The following TRHDE variants were observed in gnomAD, a reference collection of about 807,000 sequenced individuals.
TRHDE encodes thyrotropin-releasing hormone-degrading ectoenzyme.
A neutral mutation model predicts 125.7 loss-of-function variants in TRHDE; 72 were observed. That is an observed-to-expected ratio of 0.57 (90% CI 0.47 to 0.70). The LOEUF is 0.70. Among genes scored for constraint, TRHDE ranks in the 30% least tolerant of loss-of-function variants. The pLI is 0.00. For missense variants in TRHDE, 1,110 were observed against 1,327.1 expected, an observed-to-expected ratio of 0.84 and a Z score of 2.54; for synonymous variants, 509 against 509.1, an observed-to-expected ratio of 1.00 and a Z score of 0.00.
intron 2 of TRHDE, among the ~76,000 whole-genome samples, chr12:72,301,160 G>A (rs1343395594): frequency 6.6e-6 from 1 of 152,134 alleles, no homozygotes; most frequent in Admixed American, 6.5e-5. Flanking sequence ...CTGATGAAAT[G>A]TAAATCTTTT....
intron 3 of TRHDE, among the ~76,000 whole-genome samples, chr12:72,452,544 A>T (rs920380366): frequency 1.3e-5 from 2 of 152,074 alleles, no homozygotes; most frequent in Non-Finnish European, 2.9e-5. Context: ...CTTTTAAATT[A>T]TTGCTGTTGA....
intron 12 of TRHDE, among the ~76,000 whole-genome samples, chr12:72,605,632 T>C (rs1872406863): frequency 6.6e-6 from 1 of 152,100 alleles, no homozygotes; most frequent in East Asian, 1.9e-4. Context: ...GGATTTTAAC[T>C]CTAATTTGGA....
intron 2 of TRHDE, among the ~76,000 whole-genome samples, chr12:72,224,892 C>T (rs1878093356): frequency 6.6e-6 from 1 of 152,064 alleles, no homozygotes; most frequent in South Asian, 2.1e-4. Context: ...CTTAACCTCC[C>T]CTCTCTTTAA....
chr12:72,620,676 G>T (rs1357410453), intron 13 of TRHDE, among the ~76,000 whole-genome samples: 1 of 152,104 alleles, frequency 6.6e-6, no homozygotes, highest in Non-Finnish European at 1.5e-5. Flanking sequence ...TAGGCCATTG[G>T]TTGGGCCAAC....
In TRHDE at chr12:72,121,720, C is replaced by CTT. The variant is rs57483232; in HGVS notation, n.279+15988_279+15989dup. 3.6e-3 allele frequency among the ~76,000 whole-genome samples: 399 copies of CTT among 111,926 alleles called. 3 individuals carry two copies. Among genetic ancestry groups the CTT allele is most frequent in the African/African-American group, 0.012 (353 of 29,424 alleles). 73.4% of individuals were successfully genotyped at this position (111,926 alleles called of 152,430 possible). ...TGCTTTTTGGTATTTACGAAGGTGC[C>CTT]TTTTTTTTTTTTTTTTTTTTTGATG... is the stretch of plus-strand genomic sequence containing the variant. On this transcript the variant is annotated intron_variant and non_coding_transcript_variant, in intron 2 of 4. Transcript: ENST00000548156.
chr12:72,238,321 T>TATATACAC (rs1878395323), intron 2 of TRHDE, among the ~76,000 whole-genome samples: 2 of 30,142 alleles, frequency 6.6e-5, no homozygotes, highest in Non-Finnish European at 1.4e-4. Context: ...TATATATATA[T>TATATACAC]ACATATATAT....
At chr12:72,637,748 C>T (rs1458592540) in intron 15 of TRHDE, among the ~76,000 whole-genome samples, 1 of 152,192 alleles carries the variant, frequency 6.6e-6, no homozygotes, top group African/African-American at 2.4e-5. Flanking sequence ...TTTCTGCCTT[C>T]ATTGTGTTAT....
In TRHDE at chr12:72,349,556, G is replaced by C. The variant is rs948541963; in HGVS notation, c.1189-28439G>C. 3.4e-5 allele frequency among the ~76,000 whole-genome samples: 5 copies of C among 147,556 alleles called. No individual in the cohort carries two copies. The East Asian group carries it at 5.9e-4, about 17-fold the overall frequency. The stretch of plus-strand genomic sequence containing the variant: ...TAGGTCCCTTTGCCTTTTTTTGGGC[G>C]GGGGGGTGGTGTGGCTTATAGACAA... On this transcript the variant is annotated intron_variant, in intron 2 of 18. Coordinates refer to ENST00000261180, the MANE Select transcript of TRHDE (RefSeq NM_013381.3).
intron 1 of TRHDE, among the ~76,000 whole-genome samples, chr12:72,096,398 G>A (rs189802787): frequency 2.6e-5 from 4 of 152,082 alleles, no homozygotes; most frequent in Non-Finnish European, 4.4e-5. Flanking sequence ...TGTCAAGTTT[G>A]GGCAATTAGA....
intron 18 of TRHDE, among the ~76,000 whole-genome samples, chr12:72,659,601 G>T (rs889134474): frequency 6.6e-6 from 1 of 152,080 alleles, no homozygotes; most frequent in Non-Finnish European, 1.5e-5. Context: ...TTTATCTTAT[G>T]ATGTTGATAT....
intron 5 of TRHDE, among the ~76,000 whole-genome samples, chr12:72,494,104 TTA>T (rs1167558124): frequency 1.3e-5 from 2 of 152,054 alleles, no homozygotes; most frequent in Non-Finnish European, 2.9e-5. Flanking sequence ...ACTAATTATC[TTA>T]TTTAATTTTT....
intron 2 of TRHDE, among the ~76,000 whole-genome samples, chr12:72,194,523 C>A (rs968841495): frequency 6.6e-6 from 1 of 151,996 alleles, no homozygotes; most frequent in Non-Finnish European, 1.5e-5. Flanking sequence ...AATAGTTTTT[C>A]AAATCTTTCC....
At chr12:72,284,825 T>C (rs1257412970) in intron 1 of TRHDE, among the ~76,000 whole-genome samples, 1 of 152,222 alleles carries the variant, frequency 6.6e-6, no homozygotes, top group East Asian at 1.9e-4. Flanking sequence ...TAACCTCATA[T>C]TCATATGAAG....
chr12:72,418,122 T>G (rs946301593), intron 3 of TRHDE, among the ~76,000 whole-genome samples: 2 of 152,088 alleles, frequency 1.3e-5, no homozygotes, highest in Admixed American at 6.6e-5. Context: ...TGTTGCTCAA[T>G]TTCTTTGAGG....
intron 2 of TRHDE, among the ~76,000 whole-genome samples, chr12:72,111,994 G>GA (rs929062930): frequency 5.3e-5 from 8 of 150,694 alleles, no homozygotes; most frequent in African/African-American, 1.7e-4. Context: ...GAGGTATAAA[G>GA]AAAAAAAATT....
chr12:72,538,330 A>G lies in TRHDE; in HGVS notation c.1723-3961A>G, dbSNP rs547037200. 1.2e-4 allele frequency among the ~76,000 whole-genome samples: 19 copies of G among 152,086 alleles called. No individual in the cohort carries two copies. In the South Asian group the frequency reaches 3.3e-3, roughly 27 times the overall value. On this transcript the variant is annotated intron_variant, in intron 6 of 18. Coordinates refer to ENST00000261180, the MANE Select transcript of TRHDE (RefSeq NM_013381.3). ...CACTAATTCTTAAAACATGTCTTCTATGACACTGCTTATACCCAGTTTGCC... is the reference window on the plus strand; with the variant it reads ...CACTAATTCTTAAAACATGTCTTCTGTGACACTGCTTATACCCAGTTTGCC...
At chr12:72,469,015 C>T (rs1396676055) in intron 3 of TRHDE, among the ~76,000 whole-genome samples, 2 of 152,086 alleles carry the variant, frequency 1.3e-5, no homozygotes, top group African/African-American at 4.8e-5. Flanking sequence ...TTAAAATAAG[C>T]ACAGATCTTA....
chr12:72,354,608 G>C (rs1592564479), intron 2 of TRHDE, among the ~76,000 whole-genome samples: 1 of 150,812 alleles, frequency 6.6e-6, no homozygotes, highest in African/African-American at 2.4e-5. Context: ...ACTAGTGCCT[G>C]ATGCCCTTTT....
At chr12:72,173,924 G>A (rs1876934238) in intron 2 of TRHDE, among the ~76,000 whole-genome samples, 1 of 152,096 alleles carries the variant, frequency 6.6e-6, no homozygotes, top group Non-Finnish European at 1.5e-5. Flanking sequence ...ATTGCAAAAT[G>A]GCTAAATATT....
Sources: allele counts gnomAD v4.1 joint callset (sites outside exome capture counted in the v4.1 genomes callset), GRCh38; gene constraint gnomAD v4.1.1; transcripts MANE v1.5; gene names NCBI Gene and HGNC (gene_info 2026-07-23, HGNC 2026-07-21).